ZNF724: variants seen among roughly 807,000 people sequenced by gnomAD.
ZNF724 encodes zinc finger protein 724.
In ZNF724, 14 loss-of-function variants were observed where a neutral mutation model predicts 29.3. That is an observed-to-expected ratio of 0.48 (90% confidence interval 0.32 to 0.75). The LOEUF (loss-of-function observed/expected upper bound fraction) is 0.75. Ranked by LOEUF, ZNF724 falls within the 30% of genes least tolerant of loss-of-function variation. The pLI is 0.04. For missense variants in ZNF724, 557 were observed against 571.2 expected (o/e 0.98, Z 0.25); for synonymous variants, 180 against 193.6 (o/e 0.93, Z 0.58).
At chr19:23,239,769 C>T (rs886654747) in intron 1 of ZNF724, among the ~76,000 whole-genome samples, 1 of 152,068 alleles carries the variant, frequency 6.6e-6, no homozygotes, top group Non-Finnish European at 1.5e-5. Context: ...CAAGATTGTT[C>T]CATTGTACTC....
chr19:23,231,660 T>C (rs907256725), intron 2 of ZNF724, among the ~76,000 whole-genome samples: 2 of 152,142 alleles, frequency 1.3e-5, no homozygotes, highest in Admixed American at 1.3e-4. Flanking sequence ...AGCTCAGGAA[T>C]ATAAAAAGTC....
rs539014301 is a variant in ZNF724 at position 23,231,103 on chromosome 19, G to A, written c.226+163C>T. The A allele has an allele frequency of 1.5e-4, 72 of 480,420 alleles. No individual in the cohort carries two copies. In the Middle Eastern group the frequency reaches 1.6e-3, roughly 10 times the overall value. The allele number at this position is 480,420 out of a possible 1,614,324, so 29.8% of individuals were successfully genotyped here. ...TCTCCATGTTGGTCAGGCTGGTCTC[G>A]AACACCCGACCTTAGGTCATCTGCC... On this transcript the variant is annotated intron_variant, in intron 3 of 3. Transcript: ENST00000418100.
At chr19:23,249,654 C>A (rs2145800557) in intron 1 of ZNF724, among the ~76,000 whole-genome samples, 1 of 152,240 alleles carries the variant, frequency 6.6e-6, no homozygotes, top group South Asian at 2.1e-4. Flanking sequence ...CCACCTCGGC[C>A]TCCCAAAGTG....
chr19:23,230,256 G>A (rs1258511745), intron 3 of ZNF724, among the ~76,000 whole-genome samples: 3 of 151,716 alleles, frequency 2.0e-5, no homozygotes, highest in Non-Finnish European at 2.9e-5. Flanking sequence ...AATATTTTGT[G>A]TGTATGGATT....
chr19:23,225,303 T>C (rs564999406), intron 3 of ZNF724, among the ~76,000 whole-genome samples: 2 of 152,126 alleles, frequency 1.3e-5, no homozygotes, highest in East Asian at 3.9e-4. Flanking sequence ...TGGAATTTTA[T>C]TCAGCCTTAA....
chr19:23,223,656 A>G lies in ZNF724; in HGVS notation c.589T>C (p.Ser197Pro). Residue 197 changes from serine (S) to proline (P), a missense_variant, in exon 4 of 4, where the codon TCC (serine) becomes CCC (proline). Transcript: ENST00000418100. ...QHKRIHTTVN[S>P]YKLEECGKAF... ...TTGCCACATTCTTCAAGTTTGTAGGAATTGACAGTAGTGTGAATTCTTTTA... is the reference window on the plus strand; with the variant it reads ...TTGCCACATTCTTCAAGTTTGTAGGGATTGACAGTAGTGTGAATTCTTTTA... 1 of 714,784 alleles carries G rather than the reference A, an allele frequency of 1.4e-6. No homozygotes were observed. The highest frequency in any genetic ancestry group is 2.6e-6 in the Non-Finnish European group (1 of 385,596). The allele number at this position is 714,784 out of a possible 1,614,324, so 44.3% of individuals were successfully genotyped here. A position where few individuals can be genotyped will look rare whatever the true frequency, so the allele number is the denominator to read the frequency against.
At chr19:23,241,403 A>G (rs1294014487) in intron 1 of ZNF724, among the ~76,000 whole-genome samples, 1 of 152,248 alleles carries the variant, frequency 6.6e-6, no homozygotes, top group Non-Finnish European at 1.5e-5. Flanking sequence ...ATATAATAGC[A>G]TCATTCTGAT....
intron 1 of ZNF724, among the ~76,000 whole-genome samples, chr19:23,249,403 G>C (rs982383757): frequency 8.8e-6 from 1 of 114,120 alleles, no homozygotes; most frequent in Non-Finnish European, 2.0e-5. Context: ...ACTATGCCCG[G>C]CTTTTTTTTT....
At position 23,223,399 on chromosome 19, in the gene ZNF724, G is replaced by A; in HGVS notation, c.846C>T (p.Tyr282=). The change falls in exon 4 of 4, where the codon TAC becomes TAT. Residue 282 remains tyrosine (Y), a synonymous_variant. Transcript: ENST00000418100. Reference sequence around the variant, plus strand: ...AAGCTTTGCCACATTCTTTACATTTGTAGGCATTCTCTCCAGTATGAATTA... The same window carrying A: ...AAGCTTTGCCACATTCTTTACATTTATAGGCATTCTCTCCAGTATGAATTA... The part of the protein sequence containing the change: ...HKIIHTGENA[Y]KCKECGKAFN... 2 of 771,828 alleles carry A rather than the reference G, an allele frequency of 2.6e-6. No homozygotes were observed. The highest frequency in any genetic ancestry group is 4.8e-6 in the Non-Finnish European group (2 of 414,244). 47.8% of individuals were successfully genotyped at this position (771,828 alleles called of 1,614,324 possible).
intron 1 of ZNF724, among the ~76,000 whole-genome samples, chr19:23,233,782 G>A (rs902662352): frequency 1.4e-5 from 2 of 148,134 alleles, no homozygotes; most frequent in South Asian, 4.3e-4. Context: ...CTCTTGATCC[G>A]AGACATGTTT....
At chr19:23,228,610 C>A (rs904864002) in intron 3 of ZNF724, among the ~76,000 whole-genome samples, 12 of 151,800 alleles carry the variant, frequency 7.9e-5, no homozygotes, top group Admixed American at 7.9e-4. Context: ...CAAAAATTAT[C>A]CAGGCATGGC....
intron 3 of ZNF724, among the ~76,000 whole-genome samples, chr19:23,228,099 T>G (rs928523591): frequency 3.9e-5 from 6 of 152,008 alleles, no homozygotes; most frequent in Non-Finnish European, 7.4e-5. Context: ...AGGCCAAAAT[T>G]TCAAGACCAG....
Position 23,222,686 on chromosome 19 carries a change from G to A in ZNF724, c.1559C>T (p.Thr520Ile). 7.3e-7 allele frequency: 1 copy of A among 1,373,588 alleles called. No homozygotes were observed. Among genetic ancestry groups the A allele is most frequent in the South Asian group, 1.2e-5 (1 of 85,096 alleles). 85.1% of individuals were successfully genotyped at this position (1,373,588 alleles called of 1,614,324 possible). The change falls in exon 4 of 4, where the codon ACA (threonine) becomes ATA (isoleucine). Residue 520 changes from threonine (T) to isoleucine (I), a missense_variant. Transcript: ENST00000418100. ...ATGAATTATCTTATGTCTAGCAAGTGTCGAGGATTGGTTAAAAGCTTTGCC... is the reference window on the plus strand; with the variant it reads ...ATGAATTATCTTATGTCTAGCAAGTATCGAGGATTGGTTAAAAGCTTTGCC... The part of the protein sequence containing the change: ...ECGKAFNQSS[T>I]LARHKIIHAG...
In ZNF724 at chr19:23,222,817, T is replaced by C. The variant is rs1173801728; in HGVS notation, c.1428A>G (p.Lys476=). The C allele has an allele frequency of 2.8e-6, 4 of 1,423,170 alleles. No homozygotes were observed. In the Admixed American group the frequency reaches 6.9e-5, roughly 25 times the overall value. 88.2% of individuals were successfully genotyped at this position (1,423,170 alleles called of 1,614,324 possible). A position where few individuals can be genotyped will look rare whatever the true frequency, so the allele number is the denominator to read the frequency against. The part of the protein sequence containing the change: ...TEHRIIHTGE[K]PYKCEECGKA... The stretch of plus-strand genomic sequence containing the variant: ...TGCCACATTCTTCACATTTGTAGGG[T>C]TTCTCTCCAGTATGAATTATCCTAT... Residue 476 remains lysine, a synonymous_variant, in exon 4 of 4, where the codon AAA becomes AAG. Coordinates refer to ENST00000418100, the MANE Select transcript of ZNF724 (RefSeq NM_001355404.2).
Position 23,222,757 on chromosome 19 carries a change from A to T in ZNF724, c.1488T>A (p.His496Gln), listed in dbSNP as rs1211014686. Residue 496 changes from histidine to glutamine, a missense_variant, in exon 4 of 4, where the codon CAT becomes CAA. Physicochemically the swap from His to Gln is conservative, Grantham distance 24. Around this residue, in one of 3 missense-constraint regions of ZNF724, gnomAD observed 170 missense variants for 220.7 expected, o/e 0.77. Coordinates refer to ENST00000418100, the MANE Select transcript of ZNF724 (RefSeq NM_001355404.2). The stretch of plus-strand genomic sequence containing the variant: ...GTTTCTCTCCAGTATGAATTTTCTT[A>T]TGTGTTGTAAGGTGTGAGGATAGGT... ...AFNLSSHLTT[H>Q]KKIHTGEKPY... The T allele has an allele frequency of 7.1e-7, 1 of 1,405,540 alleles. No homozygotes were observed. The highest frequency in any genetic ancestry group is 1.4e-5 in the African/African-American group (1 of 70,442). 87.1% of individuals were successfully genotyped at this position (1,405,540 alleles called of 1,614,324 possible).
At chr19:23,237,160 A>G (rs551041409) in intron 1 of ZNF724, among the ~76,000 whole-genome samples, 7 of 152,094 alleles carry the variant, frequency 4.6e-5, no homozygotes, top group Non-Finnish European at 8.8e-5. Context: ...GCCTTCACCA[A>G]CGTTTTTTGA....
At chr19:23,247,149 G>A (rs565469972) in intron 1 of ZNF724, among the ~76,000 whole-genome samples, 58 of 152,256 alleles carry the variant, frequency 3.8e-4, no homozygotes, top group African/African-American at 1.3e-3. Context: ...CTTGAACCTG[G>A]TAGTCAGAGG....
At chr19:23,241,964 T>C (rs984706627) in intron 1 of ZNF724, among the ~76,000 whole-genome samples, 1 of 152,236 alleles carries the variant, frequency 6.6e-6, no homozygotes, top group African/African-American at 2.4e-5. Flanking sequence ...TCAGATGACA[T>C]GATTCAGTAT....
intron 1 of ZNF724, among the ~76,000 whole-genome samples, chr19:23,234,283 C>T (rs891242321): frequency 6.6e-6 from 1 of 152,174 alleles, no homozygotes; most frequent in Non-Finnish European, 1.5e-5. Flanking sequence ...AAACAATAAA[C>T]AGAACCTGTG....
Sources: gnomAD v4.1 joint callset for allele counts (sites outside exome capture counted in the v4.1 genomes callset) on GRCh38, gnomAD v4.1.1 for gene constraint, gnomAD v4.1.1 regional missense constraint, MANE v1.5 for transcripts, NCBI Gene and HGNC (gene_info 2026-07-23, HGNC 2026-07-21) for gene names.